The following MAP1B variants were observed in gnomAD, a reference collection of about 807,000 sequenced individuals.
MAP1B encodes microtubule associated protein 1B.
A neutral mutation model predicts 176.1 loss-of-function variants in MAP1B; 12 were observed. The observed-to-expected ratio is 0.07, with a 90% CI of 0.04 to 0.11. MAP1B has a LOEUF of 0.11. Among genes scored for constraint, MAP1B ranks in the 10% least tolerant of loss-of-function variants. The probability of loss-of-function intolerance (pLI) is 1.00; values close to 1 mark genes in which losing one functional copy is unlikely to be tolerated. For synonymous variants in MAP1B, 1,044 were observed against 1,135.0 expected (o/e 0.92, Z 1.61); for missense variants, 2,523 against 2,990.5 (o/e 0.84, Z 3.65).
At position 72,141,686 on chromosome 5, in the gene MAP1B, C is replaced by T. The variant is rs564547283; in HGVS notation, c.286+25887C>T. On this transcript the variant is annotated intron_variant, in intron 2 of 6. Transcript: ENST00000296755. Reference sequence around the variant, plus strand: ...AAGCCCAAGAAATATTGCATAGAATCAGTCTGTCTGGAAATTCCTTATATG... The same window carrying T: ...AAGCCCAAGAAATATTGCATAGAATTAGTCTGTCTGGAAATTCCTTATATG... 2.0e-5 allele frequency among the ~76,000 whole-genome samples: 3 copies of T among 152,246 alleles called. No homozygotes were observed. In the East Asian group the frequency reaches 5.8e-4, roughly 29 times the overall value.
Position 72,199,256 on chromosome 5 carries a change from C to G in MAP1B, c.5901C>G (p.Pro1967=), listed in dbSNP as rs767226026. The G allele has an allele frequency of 6.2e-7, 1 of 1,614,076 alleles. No individual in the cohort carries two copies. Among genetic ancestry groups the G allele is most frequent in the South Asian group, 1.1e-5 (1 of 91,076 alleles). ...YDISEKTTSP[P]EVSGYSYEKT... is the part of the protein sequence containing the mutation. ...TAAGTGAAAAGACCACCAGCCCCCC[C>G]GAAGTGAGTGGTTACAGCTATGAAA... Residue 1967 remains proline (P), a synonymous_variant, in exon 5 of 7, where the codon CCC becomes CCG. Transcript: ENST00000296755. The surrounding 1 kb of genome is among the most constrained non-coding windows in gnomAD (Gnocchi z 4.2).
At chr5:72,163,461 G>A (rs75754508) in intron 2 of MAP1B, among the ~76,000 whole-genome samples, 2,723 of 152,230 alleles carry the variant, frequency 0.018, 87 homozygotes, top group African/African-American at 0.062. Context: ...GACCCAAATA[G>A]GTAACCTAAG....
In MAP1B at chr5:72,200,141, T is replaced by C. The variant is rs781131637; in HGVS notation, c.6786T>C (p.Asp2262=). The change falls in exon 5 of 7, where the codon GAT becomes GAC. Residue 2262 remains aspartate, a synonymous_variant. Coordinates refer to ENST00000296755, the MANE Select transcript of MAP1B (RefSeq NM_005909.5). ...CATCTTCACCTGTCAAAAAGAGTGA[T>C]GGGAAGTCTAAGCCCTTGGCAGCTT... ...TKSSSPVKKS[D]GKSKPLAASP... is the part of the protein sequence containing the mutation. The C allele has an allele frequency of 5.6e-6, 9 of 1,614,178 alleles. No homozygotes were observed. Among genetic ancestry groups the C allele is most frequent in the Non-Finnish European group, 7.6e-6 (9 of 1,180,044 alleles).
chr5:72,160,554 T>G (rs182038066), intron 2 of MAP1B, among the ~76,000 whole-genome samples: 2 of 152,346 alleles, frequency 1.3e-5, no homozygotes, highest in Admixed American at 1.3e-4. Context: ...GTCTTCTGTT[T>G]ATATCAAGTC....
chr5:72,174,544 TTC>T (rs1286839332), intron 2 of MAP1B, among the ~76,000 whole-genome samples: 2 of 152,198 alleles, frequency 1.3e-5, no homozygotes, highest in African/African-American at 4.8e-5. Context: ...GGTGAGGAAA[TTC>T]TGATTTCTTA....
In MAP1B at chr5:72,199,113, G is replaced by A. The variant is rs1306810811; in HGVS notation, c.5758G>A (p.Gly1920Ser). ...AACCACAAAATCTCCAAGTGACAGT[G>A]GCTACTCCTATGAGACCATTGGGAA... ...ERTTKSPSDS[G>S]YSYETIGKTT... Residue 1920 changes from glycine (G) to serine (S), a missense_variant, in exon 5 of 7, where the codon GGC (glycine) becomes AGC (serine). By Grantham distance (56) the Gly-to-Ser change is moderately conservative (BLOSUM62 0). Transcript: ENST00000296755. The surrounding 1 kb of genome is among the most constrained non-coding windows in gnomAD (Gnocchi z 4.2). The A allele has an allele frequency of 6.2e-7, 1 of 1,614,056 alleles. No homozygotes were observed. Among genetic ancestry groups the A allele is most frequent in the South Asian group, 1.1e-5 (1 of 91,072 alleles).
At chr5:72,133,408 T>G (rs1270947442) in intron 2 of MAP1B, among the ~76,000 whole-genome samples, 3 of 152,218 alleles carry the variant, frequency 2.0e-5, no homozygotes, top group African/African-American at 7.2e-5. Context: ...GCAGTAAGCT[T>G]CTTTTTCCTG....
intron 2 of MAP1B, among the ~76,000 whole-genome samples, chr5:72,118,036 C>G (rs1745464065): frequency 6.6e-6 from 1 of 152,168 alleles, no homozygotes; most frequent in African/African-American, 2.4e-5. Context: ...TTTAGCTTTT[C>G]CTGAACAAAC....
At chr5:72,117,964 T>A (rs1019325185) in intron 2 of MAP1B, among the ~76,000 whole-genome samples, 1 of 152,084 alleles carries the variant, frequency 6.6e-6, no homozygotes, top group Non-Finnish European at 1.5e-5. Context: ...AGAGAAGAGA[T>A]GTTAGAGGAT....
In MAP1B at chr5:72,197,820, G is replaced by C; in HGVS notation, c.4465G>C (p.Ala1489Pro). 1 of 1,614,220 alleles carries C rather than the reference G, an allele frequency of 6.2e-7. No individual in the cohort carries two copies. ...TGTTGAAGCCATGAGTTCTCAACCA[G>C]CACTGGCTCTGGATGAAAGGAAATT... is the stretch of plus-strand genomic sequence containing the variant. ...DDVEAMSSQP[A>P]LALDERKLGD... Residue 1489 changes from alanine (A) to proline (P), a missense_variant, in exon 5 of 7, where the codon GCA becomes CCA. Transcript: ENST00000296755.
intron 4 of MAP1B, among the ~76,000 whole-genome samples, chr5:72,191,063 A>G (rs1747015734): frequency 6.6e-6 from 1 of 152,244 alleles, no homozygotes; most frequent in African/African-American, 2.4e-5. Flanking sequence ...ACTTTGTAAG[A>G]ACCAGGGTAG....
chr5:72,196,851 G>A lies in MAP1B; in HGVS notation c.3496G>A (p.Glu1166Lys). 6.2e-7 allele frequency: 1 copy of A among 1,614,166 alleles called. No individual in the cohort carries two copies. The change falls in exon 5 of 7, where the codon GAA (glutamate) becomes AAA (lysine). Residue 1166 changes from glutamate to lysine, a missense_variant. Glu to Lys is a moderately conservative substitution (Grantham distance 56). Around this residue, in one of 4 missense-constraint regions of MAP1B, gnomAD observed 1,925 missense variants for 2,126.0 expected, o/e 0.91. Coordinates refer to ENST00000296755, the MANE Select transcript of MAP1B (RefSeq NM_005909.5). The surrounding 1 kb of genome is among the most constrained non-coding windows in gnomAD (Gnocchi z 5.3). ...SQEFVNITKY[E>K]SSLYSQEYSK... Reference sequence around the variant, plus strand: ...GGAATTCGTAAATATCACCAAATATGAATCTTCATTGTATTCTCAGGAATA... The same window carrying A: ...GGAATTCGTAAATATCACCAAATATAAATCTTCATTGTATTCTCAGGAATA...
chr5:72,168,313 G>A (rs1746469739), intron 2 of MAP1B, among the ~76,000 whole-genome samples: 1 of 152,206 alleles, frequency 6.6e-6, no homozygotes. Context: ...AAACTCCAGA[G>A]CTCTGGCAGA....
At chr5:72,121,024 A>G (rs749279905) in intron 2 of MAP1B, among the ~76,000 whole-genome samples, 3 of 152,230 alleles carry the variant, frequency 2.0e-5, no homozygotes, top group Non-Finnish European at 4.4e-5. Flanking sequence ...ACAACATTCT[A>G]TGGCTGAGCT....
At position 72,195,399 on chromosome 5, in the gene MAP1B, AAAG is replaced by A. The variant is rs768482904; in HGVS notation, c.2048_2050del (p.Glu683del). The A allele has an allele frequency of 8.6e-5, 134 of 1,560,172 alleles. No homozygotes were observed. The highest frequency in any genetic ancestry group is 1.7e-4 in the Middle Eastern group (1 of 5,858). ...AAAACCAAAAAAGGAAGAGGTGAAA[AAAG>A]AAGTCAAAAAAGAGATCAAGAAAGA... On this transcript the variant is annotated inframe_deletion, in exon 5 of 7. Transcript: ENST00000296755.
chr5:72,162,300 A>G (rs995776806), intron 2 of MAP1B, among the ~76,000 whole-genome samples: 7 of 152,218 alleles, frequency 4.6e-5, no homozygotes, highest in African/African-American at 1.7e-4. Flanking sequence ...AGTCACTGTC[A>G]GTGTGACAAT....
In MAP1B at chr5:72,199,956, C is replaced by T. The variant is rs1300604410; in HGVS notation, c.6601C>T (p.Pro2201Ser). Residue 2201 changes from proline (P) to serine (S), a missense_variant, in exon 5 of 7, where the codon CCT becomes TCT. Pro to Ser is a moderately conservative substitution (Grantham distance 74). This residue lies in a region of MAP1B where 287 missense variants were observed against 401.5 expected (regional missense o/e 0.71). Coordinates refer to ENST00000296755, the MANE Select transcript of MAP1B (RefSeq NM_005909.5). This position sits in a 1 kb window ranked among gnomAD's most constrained non-coding sequence, Gnocchi z 4.2. The stretch of plus-strand genomic sequence containing the variant: ...TGTCACGTACAAACACATGGACCCA[C>T]CTCCAGCTCCCGTGCAAGACCGCAG... ...KTVTYKHMDP[P>S]PAPVQDRSPS... 2 of 1,614,106 alleles carry T rather than the reference C, an allele frequency of 1.2e-6. No individual in the cohort carries two copies. The highest frequency in any genetic ancestry group is 1.7e-5 in the Admixed American group (1 of 60,002).
intron 2 of MAP1B, among the ~76,000 whole-genome samples, chr5:72,119,720 G>A (rs1745492802): frequency 6.6e-6 from 1 of 152,124 alleles, no homozygotes; most frequent in South Asian, 2.1e-4. Flanking sequence ...TGTTGCCCAG[G>A]CTGATCTCGA....
chr5:72,205,775 A>C lies in MAP1B; in HGVS notation c.*536A>C, dbSNP rs954297889. 1 of 152,360 alleles carries C rather than the reference A, an allele frequency of 6.6e-6. No individual in the cohort carries two copies. Among genetic ancestry groups the C allele is most frequent in the Non-Finnish European group, 1.5e-5 (1 of 68,150 alleles). 9.4% of individuals were successfully genotyped at this position (152,360 alleles called of 1,614,324 possible). A position where few individuals can be genotyped will look rare whatever the true frequency, so the allele number is the denominator to read the frequency against. On this transcript the variant is annotated 3_prime_UTR_variant, in exon 7 of 7. Coordinates refer to ENST00000296755, the MANE Select transcript of MAP1B (RefSeq NM_005909.5). ...GTCTGCATTTTCTCAGGCAGTAGGC[A>C]TTCTTTAGTCTACATAGGCAAAGTT...
Sources: allele counts gnomAD v4.1 joint callset (sites outside exome capture counted in the v4.1 genomes callset), GRCh38; gene constraint gnomAD v4.1.1; regional missense constraint gnomAD v4.1.1; non-coding constraint Gnocchi (gnomAD v3.1); transcripts MANE v1.5; gene names NCBI Gene and HGNC (gene_info 2026-07-23, HGNC 2026-07-21).